CNTNAP5: variants seen among roughly 807,000 people sequenced by gnomAD.
CNTNAP5 encodes contactin-associated protein-like 5.
CNTNAP5 carries 72 observed loss-of-function variants against 150.2 expected under a neutral mutation model. The observed-to-expected ratio is 0.48, with a 90% CI of 0.40 to 0.58. CNTNAP5 has a LOEUF of 0.58. Among genes scored for constraint, CNTNAP5 ranks in the 20% least tolerant of loss-of-function variants. CNTNAP5 has a pLI of 0.00. For missense variants in CNTNAP5, 1,636 were observed against 1,626.2 expected, an observed-to-expected ratio of 1.01 and a Z score of -0.10; for synonymous variants, 672 against 619.8, an observed-to-expected ratio of 1.08 and a Z score of -1.25.
intron 10 of CNTNAP5, among the ~76,000 whole-genome samples, chr2:124,532,316 A>G (rs73956314): frequency 0.022 from 3,329 of 152,232 alleles, 110 homozygotes; most frequent in African/African-American, 0.076. Context: ...GCCTGATGTA[A>G]TTCCATCTAT....
chr2:124,783,355 A>G (rs908459342), intron 17 of CNTNAP5, among the ~76,000 whole-genome samples: 1 of 152,184 alleles, frequency 6.6e-6, no homozygotes, highest in Non-Finnish European at 1.5e-5. Context: ...ATATAGAATT[A>G]CCATGACTTA....
intron 1 of CNTNAP5, among the ~76,000 whole-genome samples, chr2:124,045,549 G>A (rs1558736315): frequency 6.6e-6 from 1 of 151,708 alleles, no homozygotes; most frequent in Non-Finnish European, 1.5e-5. Context: ...CACCCGACTT[G>A]GCCTCCCAAA....
intron 3 of CNTNAP5, among the ~76,000 whole-genome samples, chr2:124,273,478 G>A (rs1272870258): frequency 6.6e-6 from 1 of 152,124 alleles, no homozygotes; most frequent in Non-Finnish European, 1.5e-5. Flanking sequence ...CTCAGCTGCT[G>A]TCATTGTTTC....
rs762732148 is a variant in CNTNAP5, at chr2:124,195,858, C to T, written c.83-25847C>T. On this transcript the variant is annotated intron_variant, in intron 1 of 23. Transcript: ENST00000682447. The stretch of plus-strand genomic sequence containing the variant: ...AGCAAAGGCACACAAGCTATGGTTT[C>T]GGATGAGGAGCTATAATTTGCTCCT... 5.9e-5 allele frequency among the ~76,000 whole-genome samples: 9 copies of T among 152,028 alleles called. No individual in the cohort carries two copies. The East Asian group carries it at 1.2e-3, about 20-fold the overall frequency.
chr2:124,491,141 T>C (rs1694014313), intron 7 of CNTNAP5, among the ~76,000 whole-genome samples: 1 of 152,178 alleles, frequency 6.6e-6, no homozygotes, highest in Non-Finnish European at 1.5e-5. Flanking sequence ...TCGTCTATGC[T>C]GTAAATTAGA....
intron 3 of CNTNAP5, among the ~76,000 whole-genome samples, chr2:124,286,722 A>G (rs75462274): frequency 0.076 from 11,536 of 152,244 alleles, 597 homozygotes; most frequent in Non-Finnish European, 0.12. Flanking sequence ...TTCTCTGCAT[A>G]GCCCGCCCAT....
chr2:124,738,641 G>A (rs1450672060), intron 13 of CNTNAP5, among the ~76,000 whole-genome samples: 2 of 151,664 alleles, frequency 1.3e-5, no homozygotes, highest in Non-Finnish European at 2.9e-5. Context: ...TGTGGCAGGA[G>A]AATCCCTTGA....
intron 1 of CNTNAP5, among the ~76,000 whole-genome samples, chr2:124,160,347 A>T (rs1188534623): frequency 6.6e-6 from 1 of 152,158 alleles, no homozygotes; most frequent in Non-Finnish European, 1.5e-5. Flanking sequence ...AGAGAATAAG[A>T]CTAATATTCC....
chr2:124,240,573 A>G (rs1318549768), intron 2 of CNTNAP5, among the ~76,000 whole-genome samples: 1 of 152,128 alleles, frequency 6.6e-6, no homozygotes, highest in Non-Finnish European at 1.5e-5. Context: ...TTCATAAAAA[A>G]CACTTAAAAA....
intron 19 of CNTNAP5, among the ~76,000 whole-genome samples, chr2:124,853,604 C>T (rs1677276035): frequency 6.6e-6 from 1 of 152,164 alleles, no homozygotes; most frequent in Non-Finnish European, 1.5e-5. Context: ...TTCTATCTTG[C>T]TTCTACAAAA....
chr2:124,057,575 C>T (rs1681889888), intron 1 of CNTNAP5, among the ~76,000 whole-genome samples: 1 of 150,932 alleles, frequency 6.6e-6, no homozygotes, highest in East Asian at 2.0e-4. Flanking sequence ...CAGGCATGAG[C>T]CACCGCTCCT....
intron 19 of CNTNAP5, among the ~76,000 whole-genome samples, chr2:124,859,297 C>T (rs1677454760): frequency 6.6e-6 from 1 of 152,250 alleles, no homozygotes; most frequent in African/African-American, 2.4e-5. Context: ...AGCCAAAAAA[C>T]ACATGAAAAA....
At chr2:124,044,130 G>A (rs535197918) in intron 1 of CNTNAP5, among the ~76,000 whole-genome samples, 8 of 152,112 alleles carry the variant, frequency 5.3e-5, no homozygotes, top group Non-Finnish European at 1.0e-4. Flanking sequence ...TCAATGAGAA[G>A]AATTACATTT....
At chr2:124,524,008 G>A (rs1241534714) in intron 8 of CNTNAP5, among the ~76,000 whole-genome samples, 3 of 150,882 alleles carry the variant, frequency 2.0e-5, no homozygotes, top group Admixed American at 6.6e-5. Context: ...ATCAGAATAC[G>A]TGACATAACT....
chr2:124,820,893 C>T (rs1682471850), intron 19 of CNTNAP5, among the ~76,000 whole-genome samples: 1 of 152,154 alleles, frequency 6.6e-6, no homozygotes, highest in South Asian at 2.1e-4. Flanking sequence ...TCATTCAAAG[C>T]CCCCGGTTGA....
chr2:124,717,449 G>T (rs990235641), intron 13 of CNTNAP5, among the ~76,000 whole-genome samples: 3 of 152,182 alleles, frequency 2.0e-5, no homozygotes, highest in African/African-American at 7.2e-5. Context: ...ATAAATATTG[G>T]TTTAAATAGA....
intron 3 of CNTNAP5, among the ~76,000 whole-genome samples, chr2:124,371,990 A>G (rs545228254): frequency 6.6e-6 from 1 of 152,168 alleles, no homozygotes; most frequent in East Asian, 1.9e-4. Flanking sequence ...GGGTGTTTCC[A>G]GAGGAGATTG....
chr2:124,313,560 T>C (rs1260610310), intron 3 of CNTNAP5, among the ~76,000 whole-genome samples: 2 of 152,150 alleles, frequency 1.3e-5, no homozygotes, highest in Non-Finnish European at 2.9e-5. Context: ...TCTTTTTCTG[T>C]CTTAACATAC....
chr2:124,502,721 C>T (rs1694305597), intron 7 of CNTNAP5, among the ~76,000 whole-genome samples: 1 of 152,076 alleles, frequency 6.6e-6, no homozygotes, highest in African/African-American at 2.4e-5. Flanking sequence ...AGGGAATTTA[C>T]CAGAGATCCA....
Sources: allele counts gnomAD v4.1 joint callset (sites outside exome capture counted in the v4.1 genomes callset), GRCh38; gene constraint gnomAD v4.1.1; transcripts MANE v1.5; gene names NCBI Gene and HGNC (gene_info 2026-07-23, HGNC 2026-07-21).